Variants in MGAT1 observed in about 807,000 individuals in gnomAD.
MGAT1 encodes N-glycosyl-oligosaccharide-glycoprotein N-acetylglucosaminyltransferase I.
A neutral mutation model predicts 31.7 loss-of-function variants in MGAT1; 14 were observed. The ratio of observed to expected loss-of-function variants is 0.44; its 90% confidence interval spans 0.29 to 0.69. The LOEUF (loss-of-function observed/expected upper bound fraction) is 0.69. Ranked by LOEUF, MGAT1 falls within the 30% of genes least tolerant of loss-of-function variation. The pLI, the probability that MGAT1 is intolerant of heterozygous loss-of-function variation, is 0.12. For missense variants in MGAT1, 557 were observed against 626.0 expected, an observed-to-expected ratio of 0.89 and a Z score of 1.18; for synonymous variants, 338 against 276.0, an observed-to-expected ratio of 1.22 and a Z score of -2.23.
rs746679758 is a variant in MGAT1, at chr5:180,791,818, C to T, written c.1154G>A (p.Arg385Gln). 4.6e-5 allele frequency: 74 copies of T among 1,614,090 alleles called. No homozygotes were observed. Among genetic ancestry groups the T allele is most frequent in the Admixed American group, 2.2e-4 (13 of 60,008 alleles). ...GCTGTCCCTGCCCGTATACTGCACCCGCACCTCCCCCAGCTCCTTCCGGTC... is the reference window on the plus strand; with the variant it reads ...GCTGTCCCTGCCCGTATACTGCACCTGCACCTCCCCCAGCTCCTTCCGGTC... ...TNDRKELGEV[R>Q]VQYTGRDSFK... is the part of the protein sequence containing the mutation. Residue 385 changes from arginine (R) to glutamine (Q), a missense_variant, in exon 2 of 2, where the codon CGG becomes CAG. Arg to Gln is a conservative substitution (Grantham distance 43). This residue lies in a region of MGAT1 where 145 missense variants were observed against 143.2 expected (regional missense o/e 1.01). Coordinates refer to ENST00000307826, the MANE Select transcript of MGAT1 (RefSeq NM_002406.4).
chr5:180,800,478 CAT>C (rs1262966632), intron 1 of MGAT1, among the ~76,000 whole-genome samples: 1 of 152,226 alleles, frequency 6.6e-6, no homozygotes, highest in Non-Finnish European at 1.5e-5. Context: ...CATTCTCTCA[CAT>C]GTCTGTAGGA....
intron 1 of MGAT1, among the ~76,000 whole-genome samples, chr5:180,794,863 C>A (rs1581823236): frequency 6.6e-6 from 1 of 152,246 alleles, no homozygotes; most frequent in East Asian, 1.9e-4. Context: ...CATGTCCCTA[C>A]AAAAACCTAC....
chr5:180,804,568 T>C (rs979941264), upstream of MGAT1, among the ~76,000 whole-genome samples: 9 of 152,232 alleles, frequency 5.9e-5, no homozygotes, highest in Non-Finnish European at 1.2e-4. Context: ...CAGAGGCCAG[T>C]GTCTGTCACC....
intron 1 of MGAT1, chr5:180,795,785 T>A (rs1452650135): frequency 1.3e-5 from 2 of 152,092 alleles, no homozygotes; most frequent in Non-Finnish European, 2.9e-5. Context: ...AGCTGGCACA[T>A]CAGCAAGGCA....
At chr5:180,808,862 G>A (rs1217357817) in exon 2 of MGAT1, 1 of 152,196 alleles carries the variant, frequency 6.6e-6, no homozygotes, top group Admixed American at 6.5e-5. Flanking sequence ...GCAGACTTCA[G>A]TGCCCCTCTC....
rs1767643367 is a variant in MGAT1, at chr5:180,787,454, G to GT, written c.*4179dup. The GT allele has an allele frequency of 6.6e-6, 1 of 152,166 alleles. No individual in the cohort carries two copies. 9.4% of individuals were successfully genotyped at this position (152,166 alleles called of 1,614,324 possible). ...GGGCAAGCTTCTGTTCTATACATTT[G>GT]TATGTTATTTAAAGTTACACAGCCA... On this transcript the variant is annotated 3_prime_UTR_variant, in exon 2 of 2. Transcript: ENST00000307826.
intron 1 of MGAT1, among the ~76,000 whole-genome samples, chr5:180,799,716 T>C (rs1406032024): frequency 2.6e-5 from 4 of 152,200 alleles, no homozygotes; most frequent in Admixed American, 6.5e-5. Context: ...CATATCCCAT[T>C]CCATATGCTC....
At position 180,789,613 on chromosome 5, in the gene MGAT1, G is replaced by A. The variant is rs1767817633; in HGVS notation, c.*2021C>T. ...TTTTCAAACCCACTCATGAAATCAA[G>A]TTCGTGAGTCACAAAAAGCGTTTTG... On this transcript the variant is annotated 3_prime_UTR_variant, in exon 2 of 2. Transcript: ENST00000307826. 2.0e-5 allele frequency: 3 copies of A among 151,074 alleles called. No individual in the cohort carries two copies. The highest frequency in any genetic ancestry group is 7.3e-5 in the African/African-American group (3 of 40,998). 9.4% of individuals were successfully genotyped at this position (151,074 alleles called of 1,614,324 possible).
chr5:180,801,199 T>G (rs1770692760), intron 1 of MGAT1, among the ~76,000 whole-genome samples: 1 of 152,220 alleles, frequency 6.6e-6, no homozygotes, highest in South Asian at 2.1e-4. Flanking sequence ...TTCCTTTATC[T>G]GGCAAAAAAT....
intron 1 of MGAT1, among the ~76,000 whole-genome samples, chr5:180,812,026 G>T (rs560477067): frequency 6.6e-6 from 1 of 152,140 alleles, no homozygotes; most frequent in South Asian, 2.1e-4. Context: ...GTCTCCCTTG[G>T]CCTGCTCCAC....
At position 180,791,334 on chromosome 5, in the gene MGAT1, A is replaced by G. The variant is rs1205898060; in HGVS notation, c.*300T>C. ...TTGCCAAACTCTCTGCACATGCTCC[A>G]GGAGAAAGCTCAGGACGTGGACATT... On this transcript the variant is annotated 3_prime_UTR_variant, in exon 2 of 2. Transcript: ENST00000307826. 4 of 475,042 alleles carry G rather than the reference A, an allele frequency of 8.4e-6. No homozygotes were observed. In the South Asian group the frequency reaches 8.5e-5, roughly 10 times the overall value. The allele number at this position is 475,042 out of a possible 1,614,324, so 29.4% of individuals were successfully genotyped here.
At chr5:180,801,080 C>T (rs57597025) in intron 1 of MGAT1, among the ~76,000 whole-genome samples, 18,882 of 152,222 alleles carry the variant, frequency 0.12, 1,240 homozygotes, top group East Asian at 0.25. Context: ...TCTGGGTAGG[C>T]GCCACCTGCC....
chr5:180,798,073 T>C (rs186784648), intron 1 of MGAT1, among the ~76,000 whole-genome samples: 1 of 152,152 alleles, frequency 6.6e-6, no homozygotes, highest in Non-Finnish European at 1.5e-5. Flanking sequence ...ATCAGGAGAG[T>C]GCAGCAGCAA....
chr5:180,812,978 A>T (rs1772668361), intron 1 of MGAT1, among the ~76,000 whole-genome samples: 1 of 152,216 alleles, frequency 6.6e-6, no homozygotes, highest in Non-Finnish European at 1.5e-5. Context: ...ACCAAGTGGC[A>T]TACTATTATA....
upstream of MGAT1, among the ~76,000 whole-genome samples, chr5:180,805,542 G>A (rs926387631): frequency 1.3e-5 from 2 of 152,188 alleles, no homozygotes; most frequent in African/African-American, 2.4e-5. Flanking sequence ...ACGAGGTCAG[G>A]AGTTTGAGAC....
Position 180,791,594 on chromosome 5 carries a change from A to T in MGAT1, c.*40T>A. 1 of 1,598,468 alleles carries T rather than the reference A, an allele frequency of 6.3e-7. No homozygotes were observed. The highest frequency in any genetic ancestry group is 8.5e-7 in the Non-Finnish European group (1 of 1,171,436). ...GGGGACTGTGGTCCCACCTCAGCTC[A>T]TGATGTGGCAAGGAGGGGCCCAGGA... On this transcript the variant is annotated 3_prime_UTR_variant, in exon 2 of 2. Coordinates refer to ENST00000307826, the MANE Select transcript of MGAT1 (RefSeq NM_002406.4).
Position 180,788,316 on chromosome 5 carries a change from C to T in MGAT1, c.*3318G>A, listed in dbSNP as rs572609804. ...AGGGGGTCCTCTGGCACCGCAGGCC[C>T]CAAACTCTACTCCTCCCGCCATCTC... On this transcript the variant is annotated 3_prime_UTR_variant, in exon 2 of 2. Transcript: ENST00000307826. 1 of 146,304 alleles carries T rather than the reference C, an allele frequency of 6.8e-6. No individual in the cohort carries two copies. The highest frequency in any genetic ancestry group is 2.7e-5 in the African/African-American group (1 of 36,792). 9.1% of individuals were successfully genotyped at this position (146,304 alleles called of 1,614,324 possible). A position where few individuals can be genotyped will look rare whatever the true frequency, so the allele number is the denominator to read the frequency against.
chr5:180,793,099 T>A lies in MGAT1; in HGVS notation c.-126-2A>T, dbSNP rs112856735. On this transcript the variant is annotated splice_acceptor_variant, in intron 1 of 1. Transcript: ENST00000307826. LOFTEE classifies it low-confidence loss of function (5UTR_SPLICE). The stretch of plus-strand genomic sequence containing the variant: ...TGGGATTAGGAGGCAGCCATGCACC[T>A]AAAGACAGGAGAGAGAAAGCAAACC... 2.6e-6 allele frequency: 3 copies of A among 1,134,590 alleles called. No homozygotes were observed. The highest frequency in any genetic ancestry group is 3.7e-6 in the Non-Finnish European group (3 of 812,460). The allele number at this position is 1,134,590 out of a possible 1,614,324, so 70.3% of individuals were successfully genotyped here. A position where few individuals can be genotyped will look rare whatever the true frequency, so the allele number is the denominator to read the frequency against.
At chr5:180,805,246 A>G (rs1397160757), upstream of MGAT1, among the ~76,000 whole-genome samples, 1 of 89,648 alleles carries the variant, frequency 1.1e-5, no homozygotes, top group Non-Finnish European at 2.2e-5. Context: ...ATCCAGGAGG[A>G]TAAACAGTCA....
Sources: allele counts gnomAD v4.1 joint callset (sites outside exome capture counted in the v4.1 genomes callset), GRCh38; gene constraint gnomAD v4.1.1; regional missense constraint gnomAD v4.1.1; transcripts MANE v1.5; gene names NCBI Gene and HGNC (gene_info 2026-07-23, HGNC 2026-07-21).